Variants in LINGO2 observed in about 807,000 individuals in gnomAD.
LINGO2 encodes leucine-rich repeat and immunoglobulin-like domain-containing nogo receptor-interacting protein 2.
Under a neutral mutation model 30.6 loss-of-function variants are expected in LINGO2, and 14 were observed. The ratio of observed to expected loss-of-function variants is 0.46; its 90% CI spans 0.30 to 0.72. The LOEUF (loss-of-function observed/expected upper bound fraction) is 0.72, where lower values mean the gene tolerates loss of function less well. LINGO2 is among the 30% of genes least tolerant of loss of function. The pLI is 0.07. For missense variants in LINGO2, 729 were observed against 751.7 expected, an observed-to-expected ratio of 0.97 and a Z score of 0.35; for synonymous variants, 317 against 288.5, an observed-to-expected ratio of 1.10 and a Z score of -1.00.
chr9:28,960,669 T>C, the LINGO2 span, among the ~76,000 whole-genome samples: 4 of 83,476 alleles, frequency 4.8e-5, no homozygotes, highest in African/African-American at 1.4e-4. Context: ...TGTGGGCACA[T>C]ATTTCATTTA....
the LINGO2 span, among the ~76,000 whole-genome samples, chr9:28,992,174 T>C: frequency 1.3e-5 from 2 of 151,664 alleles, no homozygotes; most frequent in African/African-American, 2.4e-5. Context: ...GAGGAAGATC[T>C]ACCAAGCAAA....
the LINGO2 span, among the ~76,000 whole-genome samples, chr9:28,944,520 C>T: frequency 6.6e-6 from 1 of 152,102 alleles, no homozygotes; most frequent in Non-Finnish European, 1.5e-5. Flanking sequence ...ATTCTCCTGC[C>T]TCAGCCTCCC....
At chr9:28,190,630 C>A (rs1210563832) in intron 4 of LINGO2, among the ~76,000 whole-genome samples, 1 of 152,138 alleles carries the variant, frequency 6.6e-6, no homozygotes, top group African/African-American at 2.4e-5. Context: ...TTTACTGATG[C>A]CTTGATCTTG....
intron 3 of LINGO2, among the ~76,000 whole-genome samples, chr9:28,337,360 C>T (rs1825624814): frequency 6.6e-6 from 1 of 151,962 alleles, no homozygotes; most frequent in South Asian, 2.1e-4. Context: ...GTAAACAAAT[C>T]ATTCAACAGG....
At chr9:28,925,996 T>C in the LINGO2 span, among the ~76,000 whole-genome samples, 2 of 152,176 alleles carry the variant, frequency 1.3e-5, no homozygotes, top group Admixed American at 1.3e-4. Context: ...GTGTCCAACC[T>C]TTGATCTGGG....
chr9:29,095,813 T>G, the LINGO2 span, among the ~76,000 whole-genome samples: 4 of 138,602 alleles, frequency 2.9e-5, 1 homozygote, highest in South Asian at 9.0e-4. Flanking sequence ...CAATACTGAT[T>G]CATTAAATAG....
At chr9:29,072,427 C>T in the LINGO2 span, among the ~76,000 whole-genome samples, 1 of 151,912 alleles carries the variant, frequency 6.6e-6, no homozygotes, top group African/African-American at 2.4e-5. Context: ...GCACACAACT[C>T]AGTAAATGTA....
intron 4 of LINGO2, among the ~76,000 whole-genome samples, chr9:28,083,751 A>G (rs967370410): frequency 1.3e-5 from 2 of 152,182 alleles, no homozygotes; most frequent in African/African-American, 2.4e-5. Context: ...TGAATTTATA[A>G]CCTTCAGAAG....
the LINGO2 span, among the ~76,000 whole-genome samples, chr9:29,175,570 A>C: frequency 7.4e-6 from 1 of 134,266 alleles, no homozygotes; most frequent in Non-Finnish European, 1.5e-5. Flanking sequence ...TCTGTCACCC[A>C]GGATGGAGTG....
chr9:29,081,676 G>T, the LINGO2 span, among the ~76,000 whole-genome samples: 1 of 152,118 alleles, frequency 6.6e-6, no homozygotes, highest in East Asian at 1.9e-4. Context: ...TCTATATTTA[G>T]AAAACCCCAT....
chr9:28,495,562 T>C (rs1819580069), intron 1 of LINGO2, among the ~76,000 whole-genome samples: 1 of 152,132 alleles, frequency 6.6e-6, no homozygotes, highest in African/African-American at 2.4e-5. Context: ...CTCTGTTCTG[T>C]TCCATTGGTC....
At chr9:28,912,911 T>C in the LINGO2 span, among the ~76,000 whole-genome samples, 1 of 152,172 alleles carries the variant, frequency 6.6e-6, no homozygotes, top group Non-Finnish European at 1.5e-5. Flanking sequence ...CTAGTGAATG[T>C]TGTGCAGAAG....
At chr9:28,241,267 C>CAAAAAAAAAAAAAA (rs1164724626) in intron 4 of LINGO2, among the ~76,000 whole-genome samples, 1 of 83,606 alleles carries the variant, frequency 1.2e-5, no homozygotes, top group African/African-American at 4.8e-5. Context: ...GACCCTGTCT[C>CAAAAAAAAAAAAAA]AAAAAAAAAA....
At chr9:29,056,485 G>A in the LINGO2 span, among the ~76,000 whole-genome samples, 1 of 152,120 alleles carries the variant, frequency 6.6e-6, no homozygotes, top group African/African-American at 2.4e-5. Context: ...GTAGATTCTA[G>A]ATATTAGTCC....
chr9:28,525,322 C>A (rs967855156), intron 1 of LINGO2, among the ~76,000 whole-genome samples: 1 of 152,086 alleles, frequency 6.6e-6, no homozygotes, highest in African/African-American at 2.4e-5. Flanking sequence ...CATAAACCTA[C>A]CCTATGATAG....
At chr9:28,028,762 A>G (rs1353312263) in intron 4 of LINGO2, among the ~76,000 whole-genome samples, 1 of 152,046 alleles carries the variant, frequency 6.6e-6, no homozygotes, top group African/African-American at 2.4e-5. Flanking sequence ...TTTCTTTTTG[A>G]ATATTTTTGA....
chr9:29,198,492 A>G, the LINGO2 span, among the ~76,000 whole-genome samples: 1 of 152,146 alleles, frequency 6.6e-6, no homozygotes, highest in Non-Finnish European at 1.5e-5. Context: ...TCAGAAGCTT[A>G]TGTGTATACA....
chr9:27,970,828 CAG>C (rs1242319329), intron 5 of LINGO2, among the ~76,000 whole-genome samples: 1 of 151,642 alleles, frequency 6.6e-6, no homozygotes, highest in Non-Finnish European at 1.5e-5. Flanking sequence ...GCTATGGAAA[CAG>C]AGATATAACC....
intron 1 of LINGO2, among the ~76,000 whole-genome samples, chr9:28,563,545 CTT>C (rs1823212670): frequency 1.3e-5 from 2 of 152,130 alleles, no homozygotes; most frequent in Admixed American, 1.3e-4. Context: ...AATTAACTGT[CTT>C]TGTTTTCTGC....
Sources: gnomAD v4.1 joint callset for allele counts (sites outside exome capture counted in the v4.1 genomes callset) on GRCh38, gnomAD v4.1.1 for gene constraint, MANE v1.5 for transcripts, NCBI Gene and HGNC (gene_info 2026-07-23, HGNC 2026-07-21) for gene names.